The following RBFOX3 variants were observed in gnomAD, a reference collection of about 807,000 sequenced individuals.
The protein encoded by RBFOX3 is RNA binding protein fox-1 homolog 3.
A neutral mutation model predicts 48.7 loss-of-function variants in RBFOX3; 17 were observed. The observed-to-expected ratio is 0.35, with a 90% CI of 0.24 to 0.52. The LOEUF (loss-of-function observed/expected upper bound fraction) is 0.52. Ranked by LOEUF, RBFOX3 falls within the 20% of genes least tolerant of loss-of-function variation. RBFOX3 has a pLI of 0.94. For missense variants in RBFOX3, 382 were observed against 497.5 expected (o/e 0.77, Z 2.21); for synonymous variants, 212 against 209.5 (o/e 1.01, Z -0.10).
At position 79,097,179 on chromosome 17, in the gene RBFOX3, C is replaced by A. The variant is rs543455413; in HGVS notation, c.755+113G>T. On this transcript the variant is annotated intron_variant, in intron 11 of 14. Transcript: ENST00000693108. ...TCTGGGGCTCCCACGATCCTCCCCC[C>A]CCCCAGGTCTGGAAAGGCTGCCTAG... 6.4e-4 allele frequency: 575 copies of A among 892,232 alleles called. 3 individuals carry two copies. Among genetic ancestry groups the A allele is most frequent in the African/African-American group, 6.2e-3 (359 of 58,324 alleles). 55.3% of individuals were successfully genotyped at this position (892,232 alleles called of 1,614,324 possible).
Position 79,415,693 on chromosome 17 carries a change from C to T in RBFOX3, c.-175+66761G>A, listed in dbSNP as rs753644699. Among the ~76,000 whole-genome samples the T allele has an allele frequency of 5.9e-5, 9 of 152,170 alleles. No homozygotes were observed. In the South Asian group the frequency reaches 6.2e-4, roughly 11 times the overall value. ...GATGGGCACACAGGGAGCAGGTCCT[C>T]GGAGGGAGGGGCTGGGGCGGAGTCG... On this transcript the variant is annotated intron_variant, in intron 2 of 14. Coordinates refer to ENST00000693108, the MANE Select transcript of RBFOX3 (RefSeq NM_001350451.2).
At chr17:79,182,550 G>C (rs1183391256) in intron 4 of RBFOX3, among the ~76,000 whole-genome samples, 2 of 150,982 alleles carry the variant, frequency 1.3e-5, no homozygotes, top group African/African-American at 4.9e-5. Context: ...CGCCCCGGCC[G>C]GCCGGCGGGC....
rs1375763696 is a variant in RBFOX3 at position 79,364,662 on chromosome 17, C to T, written c.-174-56838G>A. Among the ~76,000 whole-genome samples the T allele has an allele frequency of 1.3e-5, 2 of 152,152 alleles. No individual in the cohort carries two copies. The highest frequency in any genetic ancestry group is 2.9e-5 in the Non-Finnish European group (2 of 68,034). On this transcript the variant is annotated intron_variant, in intron 2 of 14. Transcript: ENST00000693108. The surrounding 1 kb of genome is among the most constrained non-coding windows in gnomAD (Gnocchi z 5.1). ...GGGCGTGAGCAGGTCGGATAGCCTG[C>T]TGTTTGCTTTCTGGTGGGGAAGCAC... is the stretch of plus-strand genomic sequence containing the variant.
chr17:79,547,148 T>G (rs2090553696), intron 1 of RBFOX3, among the ~76,000 whole-genome samples: 1 of 152,098 alleles, frequency 6.6e-6, no homozygotes, highest in African/African-American at 2.4e-5. Context: ...GATAAAAGCA[T>G]CTTTCAAGCC....
At chr17:79,398,865 T>A (rs952936684) in intron 2 of RBFOX3, among the ~76,000 whole-genome samples, 4 of 152,190 alleles carry the variant, frequency 2.6e-5, no homozygotes, top group African/African-American at 9.7e-5. Context: ...CTAAGATAAG[T>A]TGAAGCGCAA....
At chr17:79,632,569 G>A in the RBFOX3 span, among the ~76,000 whole-genome samples, 20 of 151,992 alleles carry the variant, frequency 1.3e-4, no homozygotes, top group African/African-American at 4.8e-4. Context: ...CAGAGGATCC[G>A]GAAGCCAGTG....
intron 1 of RBFOX3, among the ~76,000 whole-genome samples, chr17:79,603,577 AAGGGTTGTTTC>A (rs2093759297): frequency 6.6e-6 from 1 of 152,204 alleles, no homozygotes. Context: ...GAGACATGCT[AAGGGTTGTTTC>A]CATCCTTACA....
At position 79,443,956 on chromosome 17, in the gene RBFOX3, C is replaced by T. The variant is rs1374188228; in HGVS notation, c.-175+38498G>A. The stretch of plus-strand genomic sequence containing the variant: ...TGCCGTGACACTTCATCTCATGGTG[C>T]CTGAGACAGGCACTGCCATCCCTCT... On this transcript the variant is annotated intron_variant, in intron 2 of 14. Transcript: ENST00000693108. This position sits in a 1 kb window ranked among gnomAD's most constrained non-coding sequence, Gnocchi z 4.4. 6.6e-6 allele frequency among the ~76,000 whole-genome samples: 1 copy of T among 152,152 alleles called. No individual in the cohort carries two copies. The highest frequency in any genetic ancestry group is 2.4e-5 in the African/African-American group (1 of 41,434).
At chr17:79,132,972 A>T (rs1343973241) in intron 4 of RBFOX3, 1 of 152,314 alleles carries the variant, frequency 6.6e-6, no homozygotes, top group African/African-American at 2.4e-5. Context: ...CCCTATAACC[A>T]GGCTGCTCTC....
chr17:79,285,723 A>C (rs868503565), intron 3 of RBFOX3, among the ~76,000 whole-genome samples: 6 of 152,112 alleles, frequency 3.9e-5, no homozygotes, highest in South Asian at 4.2e-4. Context: ...TCGCTCTGTC[A>C]CCCTGGCTGG....
chr17:79,247,827 ACCTCC>A (rs1205969646), intron 3 of RBFOX3, among the ~76,000 whole-genome samples: 1 of 151,844 alleles, frequency 6.6e-6, no homozygotes, highest in African/African-American at 2.4e-5. Flanking sequence ...TGGTTGGTAA[ACCTCC>A]CATGGGTTAC....
chr17:79,153,563 G>A (rs772329962), intron 4 of RBFOX3, among the ~76,000 whole-genome samples: 6 of 152,176 alleles, frequency 3.9e-5, no homozygotes, highest in Admixed American at 6.5e-5. Context: ...GCCCAGAGAG[G>A]CTAAAGGGCT....
At chr17:79,465,821 C>T (rs1180298615) in intron 2 of RBFOX3, among the ~76,000 whole-genome samples, 5 of 152,320 alleles carry the variant, frequency 3.3e-5, no homozygotes, top group East Asian at 1.9e-4. Flanking sequence ...CACGGGATCG[C>T]GGCCTGGGCA....
Position 79,089,726 on chromosome 17 carries a change from C to T in RBFOX3, c.*1157G>A. 6.5e-6 allele frequency: 1 copy of T among 152,800 alleles called. No homozygotes were observed. Among genetic ancestry groups the T allele is most frequent in the African/African-American group, 2.4e-5 (1 of 41,568 alleles). 9.5% of individuals were successfully genotyped at this position (152,800 alleles called of 1,614,324 possible). ...TTGCTGCTTCCCTACTTCAGTGCTC[C>T]CTGCCTCGCCAGGGGTTCCTCCCTG... On this transcript the variant is annotated 3_prime_UTR_variant, in exon 15 of 15. Transcript: ENST00000693108.
chr17:79,351,943 G>T (rs1167843683), intron 2 of RBFOX3, among the ~76,000 whole-genome samples: 1 of 152,064 alleles, frequency 6.6e-6, no homozygotes. Flanking sequence ...AGGGCCTACA[G>T]GTCCCTGTGG....
intron 14 of RBFOX3, among the ~76,000 whole-genome samples, chr17:79,093,352 A>G (rs1394967258): frequency 6.6e-6 from 1 of 152,168 alleles, no homozygotes; most frequent in Non-Finnish European, 1.5e-5. Flanking sequence ...AAAAATAGAA[A>G]ATCTTAAAAA....
chr17:79,436,681 C>T (rs550362613), intron 2 of RBFOX3, among the ~76,000 whole-genome samples: 1 of 152,258 alleles, frequency 6.6e-6, no homozygotes, highest in African/African-American at 2.4e-5. Context: ...AACAAAGGCG[C>T]CTGCTTATGT....
intron 1 of RBFOX3, among the ~76,000 whole-genome samples, chr17:79,502,506 A>AATTTT (rs2082520153): frequency 4.6e-5 from 7 of 152,210 alleles, no homozygotes; most frequent in Non-Finnish European, 8.8e-5. Flanking sequence ...CAAGATGGTA[A>AATTTT]ATTTTATGTT....
At chr17:79,170,853 G>T (rs1039088589) in intron 4 of RBFOX3, among the ~76,000 whole-genome samples, 1 of 152,126 alleles carries the variant, frequency 6.6e-6, no homozygotes, top group South Asian at 2.1e-4. Flanking sequence ...TCACTCCCTC[G>T]CACCCCGGGT....
Sources: allele counts gnomAD v4.1 joint callset (sites outside exome capture counted in the v4.1 genomes callset), GRCh38; gene constraint gnomAD v4.1.1; non-coding constraint Gnocchi (gnomAD v3.1); transcripts MANE v1.5; gene names NCBI Gene and HGNC (gene_info 2026-07-23, HGNC 2026-07-21).